Variants in RIMS2 observed in about 807,000 individuals in gnomAD.
RIMS2 encodes the protein regulating synaptic membrane exocytosis 2, also known as regulating synaptic membrane exocytosis protein 2.
RIMS2 carries 59 observed loss-of-function variants against 174.4 expected under a neutral mutation model. The observed-to-expected ratio is 0.34, with a 90% confidence interval of 0.27 to 0.42. The LOEUF (loss-of-function observed/expected upper bound fraction) is 0.42, where lower values mean the gene tolerates loss of function less well. RIMS2 is among the 10% of genes least tolerant of loss of function. RIMS2 has a pLI of 1.00. For synonymous variants in RIMS2, 606 were observed against 572.5 expected, an observed-to-expected ratio of 1.06 and a Z score of -0.84; for missense variants, 1,620 against 1,666.3, an observed-to-expected ratio of 0.97 and a Z score of 0.48.
chr8:103,580,007 A>G (rs2093510027), intron 1 of RIMS2, among the ~76,000 whole-genome samples: 1 of 152,252 alleles, frequency 6.6e-6, no homozygotes, highest in South Asian at 2.1e-4. Context: ...CGCCCCCGTG[A>G]TCCAATCACC....
intron 19 of RIMS2, 127 bp from the exon 22 acceptor site, chr8:104,041,199 G>C (rs570369049): frequency 3.7e-5 from 17 of 458,144 alleles, no homozygotes; most frequent in East Asian, 9.7e-5. Context: ...CCCTAAAACT[G>C]TACACAGGAT....
At chr8:104,140,004 C>T (rs1566640643) in intron 19 of RIMS2, among the ~76,000 whole-genome samples, 1 of 152,140 alleles carries the variant, frequency 6.6e-6, no homozygotes, top group East Asian at 1.9e-4. Flanking sequence ...GCTTTTTCAG[C>T]ATCAGTTGAA....
intron 1 of RIMS2, among the ~76,000 whole-genome samples, chr8:103,602,215 C>T (rs1458021059): frequency 2.0e-5 from 3 of 151,956 alleles, no homozygotes; most frequent in Non-Finnish European, 4.4e-5. Flanking sequence ...TCTCAATCTC[C>T]TGACCTCATG....
chr8:104,096,065 T>C (rs2097757595), intron 19 of RIMS2, among the ~76,000 whole-genome samples: 1 of 152,194 alleles, frequency 6.6e-6, no homozygotes, highest in South Asian at 2.1e-4. Flanking sequence ...GATAATTACA[T>C]TGGTTTACTA....
chr8:103,948,094 C>G (rs1263668142), intron 14 of RIMS2, among the ~76,000 whole-genome samples: 2 of 152,062 alleles, frequency 1.3e-5, no homozygotes, highest in Non-Finnish European at 2.9e-5. Context: ...AAAAGCTGCC[C>G]AACATCGTTA....
intron 2 of RIMS2, among the ~76,000 whole-genome samples, chr8:103,735,940 C>T (rs887191872): frequency 2.0e-5 from 3 of 152,118 alleles, no homozygotes; most frequent in Non-Finnish European, 4.4e-5. Context: ...ATCTTAGATT[C>T]AGCTCTTCAG....
chr8:103,980,362 C>A (rs771187700), intron 16 of RIMS2, among the ~76,000 whole-genome samples: 5 of 152,040 alleles, frequency 3.3e-5, no homozygotes, highest in African/African-American at 4.8e-5. Flanking sequence ...AAGGGAAGGA[C>A]CCAGTCCTGC....
At chr8:103,740,998 A>T (rs2097756655) in intron 2 of RIMS2, among the ~76,000 whole-genome samples, 1 of 152,124 alleles carries the variant, frequency 6.6e-6, no homozygotes, top group Non-Finnish European at 1.5e-5. Flanking sequence ...ATATGTATAT[A>T]AGTTGAAATT....
chr8:104,236,358 A>C (rs1428486863), intron 19 of RIMS2, among the ~76,000 whole-genome samples: 1 of 152,042 alleles, frequency 6.6e-6, no homozygotes, highest in Non-Finnish European at 1.5e-5. Flanking sequence ...TGTTCTCTAA[A>C]AATTATCCAA....
intron 3 of RIMS2, among the ~76,000 whole-genome samples, chr8:103,832,983 C>T (rs1005094271): frequency 1.3e-5 from 2 of 152,140 alleles, no homozygotes; most frequent in African/African-American, 4.8e-5. Flanking sequence ...AGATTTCCAT[C>T]TGATAGACTT....
At chr8:104,098,435 G>T (rs1390255223) in intron 19 of RIMS2, among the ~76,000 whole-genome samples, 2 of 152,066 alleles carry the variant, frequency 1.3e-5, no homozygotes, top group African/African-American at 4.8e-5. Context: ...TAAGTAATTT[G>T]TAATGGAAGA....
chr8:103,696,882 A>AG (rs1308156899), intron 1 of RIMS2, among the ~76,000 whole-genome samples: 1 of 151,284 alleles, frequency 6.6e-6, no homozygotes, highest in Non-Finnish European at 1.5e-5. Flanking sequence ...AAAAAAAAAA[A>AG]AAAGAAGGTA....
chr8:103,676,460 C>T (rs1485147086), intron 1 of RIMS2, among the ~76,000 whole-genome samples: 2 of 152,146 alleles, frequency 1.3e-5, no homozygotes, highest in African/African-American at 2.4e-5. Flanking sequence ...TTTATAAACA[C>T]TTTATCCAGA....
chr8:104,232,039 C>T (rs1366354833), intron 19 of RIMS2, among the ~76,000 whole-genome samples: 1 of 62,544 alleles, frequency 1.6e-5, no homozygotes, highest in African/African-American at 2.1e-4. Context: ...CGCATATTGC[C>T]TTGCATTATT....
chr8:103,598,924 G>A (rs2094579507), intron 1 of RIMS2, among the ~76,000 whole-genome samples: 1 of 151,740 alleles, frequency 6.6e-6, no homozygotes, highest in Non-Finnish European at 1.5e-5. Context: ...TTTACAGTAA[G>A]TTATTGTTGT....
At chr8:103,773,858 C>A (rs571426100) in intron 3 of RIMS2, among the ~76,000 whole-genome samples, 11 of 152,240 alleles carry the variant, frequency 7.2e-5, no homozygotes, top group Admixed American at 5.9e-4. Context: ...CCGCTAATAT[C>A]TTGCTAGTGA....
chr8:103,971,016 GT>G lies in RIMS2; in HGVS notation c.2771-4330del, dbSNP rs148701855. Among the ~76,000 whole-genome samples the G allele has an allele frequency of 8.1e-3, 1,227 of 152,172 alleles. 18 individuals carry two copies. Among genetic ancestry groups the G allele is most frequent in the African/African-American group, 0.028 (1,171 of 41,520 alleles). On this transcript the variant is annotated intron_variant, in intron 15 of 23. Coordinates refer to ENST00000504942, the Ensembl canonical transcript of RIMS2. ...TCAAGTAAGCAATTCTAGGCATGGA[GT>G]TTTCCCCCCCATAGTATACTGAGCA...
rs1594886887 is a variant in RIMS2, at chr8:103,905,500, A to G, written c.1625-4634A>G. 3.3e-5 allele frequency among the ~76,000 whole-genome samples: 5 copies of G among 151,690 alleles called. No homozygotes were observed. The South Asian group carries it at 1.0e-3, about 32-fold the overall frequency. ...AGGTAAGGTGTTGCTTTTTTCTTGG[A>G]GCTTTTAAGATATTTCGTTTTTAGT... is the stretch of plus-strand genomic sequence containing the variant. On this transcript the variant is annotated intron_variant, in intron 4 of 23. Coordinates refer to ENST00000504942, the Ensembl canonical transcript of RIMS2.
chr8:103,613,819 T>A (rs144544871), intron 1 of RIMS2, among the ~76,000 whole-genome samples: 44 of 152,266 alleles, frequency 2.9e-4, no homozygotes, highest in Admixed American at 6.5e-4. Flanking sequence ...CCTGGGTGTG[T>A]CTAGAAATGT....
Sources: allele counts gnomAD v4.1 joint callset (sites outside exome capture counted in the v4.1 genomes callset), GRCh38; gene constraint gnomAD v4.1.1; transcripts MANE v1.5; gene names NCBI Gene and HGNC (gene_info 2026-07-23, HGNC 2026-07-21).